RFX7: variants seen among roughly 807,000 people sequenced by gnomAD.
RFX7 encodes DNA-binding protein RFX7.
A neutral mutation model predicts 111.8 loss-of-function variants in RFX7; 26 were observed. The ratio of observed to expected loss-of-function variants is 0.23; its 90% CI spans 0.17 to 0.32. The LOEUF (loss-of-function observed/expected upper bound fraction) is 0.32. Ranked by LOEUF, RFX7 falls within the 10% of genes least tolerant of loss-of-function variation. The pLI, the probability that RFX7 is intolerant of heterozygous loss-of-function variation, is 1.00. For synonymous variants in RFX7, 624 were observed against 624.4 expected (o/e 1.00, Z 0.01); for missense variants, 1,573 against 1,772.9 (o/e 0.89, Z 2.02).
intron 2 of RFX7, among the ~76,000 whole-genome samples, chr15:56,201,830 A>T (rs1194322093): frequency 1.3e-5 from 2 of 152,116 alleles, no homozygotes; most frequent in African/African-American, 4.8e-5. Context: ...GGAGATTGAG[A>T]CCATCCTGGC....
intron 2 of RFX7, among the ~76,000 whole-genome samples, chr15:56,194,850 T>C (rs1302328060): frequency 3.9e-5 from 6 of 152,170 alleles, no homozygotes; most frequent in East Asian, 3.9e-4. Context: ...CTTGAAAAAC[T>C]TGACATATCT....
chr15:56,224,467 T>TTGTGTGTGTGTGTGTGTGTGTGTGTG (rs58795247), intron 2 of RFX7, among the ~76,000 whole-genome samples: 20 of 147,310 alleles, frequency 1.4e-4, no homozygotes, highest in East Asian at 1.2e-3. Context: ...GATTAGGATT[T>TTGTGTGTGTGTGTGTGTGTGTGTGTG]TGTGTGTGTG....
At chr15:56,223,613 C>G (rs1341130125) in intron 2 of RFX7, among the ~76,000 whole-genome samples, 1 of 152,078 alleles carries the variant, frequency 6.6e-6, no homozygotes, top group African/African-American at 2.4e-5. Flanking sequence ...TTTTTATATA[C>G]TTTTAAAGTT....
chr15:56,109,710 A>C lies in RFX7; in HGVS notation c.402-6040T>G, dbSNP rs1174711508. Among the ~76,000 whole-genome samples, 5 of 150,196 alleles carry C rather than the reference A, an allele frequency of 3.3e-5. No homozygotes were observed. In the East Asian group the frequency reaches 8.0e-4, roughly 24 times the overall value. ...CCTCTGCCCTGTCGCCCCGTCCGGGATGTGAGGAGCGTCTCTGCCCGGCCG... is the reference window on the plus strand; with the variant it reads ...CCTCTGCCCTGTCGCCCCGTCCGGGCTGTGAGGAGCGTCTCTGCCCGGCCG... On this transcript the variant is annotated intron_variant, in intron 5 of 9. Coordinates refer to ENST00000559447, the MANE Select transcript of RFX7 (RefSeq NM_022841.7).
chr15:56,216,163 A>G (rs534913743), intron 2 of RFX7, among the ~76,000 whole-genome samples: 2 of 152,292 alleles, frequency 1.3e-5, no homozygotes, highest in East Asian at 3.9e-4. Flanking sequence ...TTGTAAACAT[A>G]TTTTTTAACT....
Position 56,229,455 on chromosome 15 carries a change from C to T in RFX7, c.161+13670G>A, listed in dbSNP as rs558905115. ...TAATTTTTTGTATTTTTAGTAGAGA[C>T]GGGGTTTCACCGTGTTAGCCAGGAT... On this transcript the variant is annotated intron_variant, in intron 2 of 9. Transcript: ENST00000559447. Among the ~76,000 whole-genome samples the T allele has an allele frequency of 2.6e-5, 4 of 152,142 alleles. No individual in the cohort carries two copies. In the East Asian group the frequency reaches 7.7e-4, roughly 29 times the overall value.
chr15:56,152,550 G>T (rs1220071642), intron 3 of RFX7, among the ~76,000 whole-genome samples: 1 of 152,150 alleles, frequency 6.6e-6, no homozygotes, highest in African/African-American at 2.4e-5. Flanking sequence ...CACATTTAAA[G>T]CAGTGTTTAG....
chr15:56,200,932 CTTTTT>C (rs562452093), intron 2 of RFX7, among the ~76,000 whole-genome samples: 1 of 145,868 alleles, frequency 6.9e-6, no homozygotes, highest in Non-Finnish European at 1.5e-5. Flanking sequence ...ATGTACAAGT[CTTTTT>C]TTTTTTAACT....
chr15:56,104,921 A>G lies in RFX7; in HGVS notation c.402-1251T>C, dbSNP rs2041810386. On this transcript the variant is annotated intron_variant, in intron 5 of 9. Coordinates refer to ENST00000559447, the MANE Select transcript of RFX7 (RefSeq NM_022841.7). ...GTAGTATTAGCAGCTTCATATTTAAATTGAGACTAAATTTGATACTTTGAG... is the reference window on the plus strand; with the variant it reads ...GTAGTATTAGCAGCTTCATATTTAAGTTGAGACTAAATTTGATACTTTGAG... 5.9e-5 allele frequency among the ~76,000 whole-genome samples: 9 copies of G among 152,212 alleles called. 2 individuals are homozygous for G. The highest frequency in any genetic ancestry group is 5.9e-4 in the Admixed American group (9 of 15,284).
chr15:56,103,129 A>ATTTTTTTTT (rs11336124), intron 6 of RFX7, among the ~76,000 whole-genome samples: 4 of 94,428 alleles, frequency 4.2e-5, no homozygotes, highest in Admixed American at 1.3e-4. Context: ...GTTCCATAAG[A>ATTTTTTTTT]TTTTTTTTTT....
intron 5 of RFX7, among the ~76,000 whole-genome samples, chr15:56,107,928 C>T (rs535494282): frequency 6.6e-6 from 1 of 152,286 alleles, no homozygotes; most frequent in Admixed American, 6.5e-5. Context: ...CTATAAACAC[C>T]TCTACGCAAA....
intron 2 of RFX7, among the ~76,000 whole-genome samples, chr15:56,212,879 C>T (rs1670057990): frequency 6.6e-6 from 1 of 151,964 alleles, no homozygotes; most frequent in African/African-American, 2.4e-5. Context: ...ACAAATAGTA[C>T]AGATGTTTGT....
intron 2 of RFX7, among the ~76,000 whole-genome samples, chr15:56,242,646 C>T (rs1034027502): frequency 6.6e-6 from 1 of 152,144 alleles, no homozygotes; most frequent in African/African-American, 2.4e-5. Flanking sequence ...GAAATAGCAG[C>T]TAACCCAACT....
At chr15:56,216,412 G>A (rs2043363252) in intron 2 of RFX7, among the ~76,000 whole-genome samples, 1 of 151,984 alleles carries the variant, frequency 6.6e-6, no homozygotes, top group South Asian at 2.1e-4. Context: ...AAAATTTATT[G>A]GCATCAAGTT....
chr15:56,211,094 G>A lies in RFX7; in HGVS notation c.162-31791C>T, dbSNP rs60833158. On this transcript the variant is annotated intron_variant, in intron 2 of 9. Coordinates refer to ENST00000559447, the MANE Select transcript of RFX7 (RefSeq NM_022841.7). ...AAATCAGAAAAGAAATAGAAAATGT[G>A]AAAAGGGCTATAGCTGTTAAAGAAA... Among the ~76,000 whole-genome samples the A allele has an allele frequency of 1.7e-3, 258 of 152,130 alleles. 5 individuals carry two copies. The East Asian group carries it at 0.041, about 24-fold the overall frequency.
intron 5 of RFX7, among the ~76,000 whole-genome samples, chr15:56,133,651 G>C (rs367663106): frequency 3.7e-4 from 57 of 152,078 alleles, no homozygotes; most frequent in African/African-American, 1.3e-3. Context: ...TAAAACTCTT[G>C]TTCTTAAAAT....
At chr15:56,207,419 A>G (rs1455726978) in intron 2 of RFX7, among the ~76,000 whole-genome samples, 2 of 152,206 alleles carry the variant, frequency 1.3e-5, no homozygotes, top group African/African-American at 4.8e-5. Context: ...AAATGACTAA[A>G]GTGGTAAATT....
chr15:56,138,521 G>T (rs1236819928), intron 5 of RFX7, among the ~76,000 whole-genome samples: 3 of 149,502 alleles, frequency 2.0e-5, no homozygotes, highest in Admixed American at 6.6e-5. Flanking sequence ...CTGCACGTGA[G>T]ATGGGTTTCC....
chr15:56,140,289 C>T (rs12909085), intron 5 of RFX7, among the ~76,000 whole-genome samples: 1 of 152,248 alleles, frequency 6.6e-6, no homozygotes, highest in Non-Finnish European at 1.5e-5. Context: ...GTAGGACCCT[C>T]TGAGCCAGGT....
Sources: allele counts gnomAD v4.1 joint callset (sites outside exome capture counted in the v4.1 genomes callset), GRCh38; gene constraint gnomAD v4.1.1; transcripts MANE v1.5; gene names NCBI Gene and HGNC (gene_info 2026-07-23, HGNC 2026-07-21).